SV2C: variants seen among roughly 807,000 people sequenced by gnomAD.
SV2C encodes solute carrier family 22 member B3.
A neutral mutation model predicts 79.7 loss-of-function variants in SV2C; 49 were observed. The ratio of observed to expected loss-of-function variants is 0.61; its 90% confidence interval spans 0.49 to 0.78. The LOEUF is 0.78. Ranked by LOEUF, SV2C falls within the 30% of genes least tolerant of loss-of-function variation. The pLI, the probability that SV2C is intolerant of heterozygous loss-of-function variation, is 0.00. For synonymous variants in SV2C, 334 were observed against 333.2 expected (o/e 1.00, Z -0.03); for missense variants, 833 against 912.9 (o/e 0.91, Z 1.13).
the SV2C span, among the ~76,000 whole-genome samples, chr5:75,969,893 C>G: frequency 2.0e-5 from 3 of 152,110 alleles, no homozygotes; most frequent in African/African-American, 7.3e-5. Context: ...TCACACCACA[C>G]CTATTCCAAA....
chr5:75,859,684 C>T, the SV2C span, among the ~76,000 whole-genome samples: 36 of 152,140 alleles, frequency 2.4e-4, no homozygotes, highest in East Asian at 5.0e-3. Flanking sequence ...ACAGGTTGCT[C>T]GGGGAAATAA....
At chr5:76,224,727 G>T (rs1005628553) in intron 4 of SV2C, among the ~76,000 whole-genome samples, 2 of 152,062 alleles carry the variant, frequency 1.3e-5, no homozygotes, top group African/African-American at 2.4e-5. Context: ...TCTAGAGTGG[G>T]GTCCCCAGAA....
chr5:76,061,690 C>T, the SV2C span, among the ~76,000 whole-genome samples: 3 of 152,004 alleles, frequency 2.0e-5, no homozygotes, highest in Admixed American at 6.6e-5. Flanking sequence ...GAGAATCAAA[C>T]ATTATTATCC....
chr5:75,861,216 C>T, the SV2C span, among the ~76,000 whole-genome samples: 1 of 152,060 alleles, frequency 6.6e-6, no homozygotes, highest in Non-Finnish European at 1.5e-5. Flanking sequence ...AAGTGGCTAA[C>T]AAACATGAAA....
chr5:76,225,623 T>G (rs1365519886), intron 4 of SV2C, among the ~76,000 whole-genome samples: 1 of 152,112 alleles, frequency 6.6e-6, no homozygotes, highest in Non-Finnish European at 1.5e-5. Context: ...AATCTAGTGG[T>G]AGCCGAAGAG....
intron 4 of SV2C, among the ~76,000 whole-genome samples, chr5:76,264,548 GT>G (rs1235861820): frequency 6.6e-6 from 1 of 152,104 alleles, no homozygotes; most frequent in East Asian, 1.9e-4. Context: ...TTTTGTGCTG[GT>G]TTTTCCTTGT....
intron 1 of SV2C, among the ~76,000 whole-genome samples, chr5:76,090,055 A>C (rs1019570077): frequency 6.6e-5 from 10 of 152,230 alleles, no homozygotes; most frequent in African/African-American, 2.4e-4. Flanking sequence ...CAATTTCAGA[A>C]GCAATCGATG....
At chr5:76,254,386 G>A (rs1323451377) in intron 4 of SV2C, among the ~76,000 whole-genome samples, 3 of 151,914 alleles carry the variant, frequency 2.0e-5, no homozygotes, top group Non-Finnish European at 2.9e-5. Flanking sequence ...TGAGAGTGTC[G>A]GTGGAAGTGG....
At chr5:76,283,158 C>A (rs1747248340) in intron 4 of SV2C, among the ~76,000 whole-genome samples, 1 of 152,056 alleles carries the variant, frequency 6.6e-6, no homozygotes, top group Admixed American at 6.6e-5. Flanking sequence ...ACTAAAAATA[C>A]AAAAATTAGC....
chr5:76,226,956 A>G (rs2112389958), intron 4 of SV2C, among the ~76,000 whole-genome samples: 1 of 152,304 alleles, frequency 6.6e-6, no homozygotes, highest in African/African-American at 2.4e-5. Flanking sequence ...ACAGGAAAAG[A>G]GTTCCAGGGA....
chr5:75,881,931 G>T, the SV2C span, among the ~76,000 whole-genome samples: 1 of 147,428 alleles, frequency 6.8e-6, no homozygotes, highest in Non-Finnish European at 1.5e-5. Context: ...ATTGGCTGTG[G>T]GTTTGTCATA....
At chr5:76,126,797 C>T (rs1748718975) in intron 1 of SV2C, among the ~76,000 whole-genome samples, 1 of 152,164 alleles carries the variant, frequency 6.6e-6, no homozygotes, top group Non-Finnish European at 1.5e-5. Flanking sequence ...GCTCCCATTT[C>T]CACAAAAACG....
chr5:75,884,885 C>A, the SV2C span, among the ~76,000 whole-genome samples: 1 of 151,914 alleles, frequency 6.6e-6, no homozygotes, highest in African/African-American at 2.4e-5. Context: ...TTCTAGTGTG[C>A]AAAAATACTG....
At chr5:76,166,929 A>G (rs892173563) in intron 2 of SV2C, among the ~76,000 whole-genome samples, 1 of 152,202 alleles carries the variant, frequency 6.6e-6, no homozygotes, top group Admixed American at 6.5e-5. Context: ...TTATGACCCA[A>G]GAGGTCTCCT....
chr5:76,294,547 G>A (rs1011384210), intron 8 of SV2C, among the ~76,000 whole-genome samples: 17 of 152,186 alleles, frequency 1.1e-4, no homozygotes, highest in African/African-American at 4.1e-4. Flanking sequence ...TGATCTGCCT[G>A]CCTCGGCCTC....
At chr5:76,209,024 G>A (rs976325974) in intron 3 of SV2C, among the ~76,000 whole-genome samples, 1 of 152,158 alleles carries the variant, frequency 6.6e-6, no homozygotes, top group Non-Finnish European at 1.5e-5. Flanking sequence ...CCAGAGCTCA[G>A]TCAGCAGCTT....
chr5:75,867,273 G>A, the SV2C span, among the ~76,000 whole-genome samples: 10 of 152,270 alleles, frequency 6.6e-5, no homozygotes, highest in South Asian at 2.1e-3. Context: ...CAGAGGGCAT[G>A]GTGGGATGTG....
At chr5:76,143,729 G>T (rs145317287) in intron 2 of SV2C, among the ~76,000 whole-genome samples, 3 of 152,120 alleles carry the variant, frequency 2.0e-5, no homozygotes, top group Non-Finnish European at 2.9e-5. Context: ...TCCTAGTAGT[G>T]GTTCTACATC....
intron 4 of SV2C, among the ~76,000 whole-genome samples, chr5:76,240,681 TCCTTCCA>T (rs1220605370): frequency 6.6e-6 from 1 of 152,156 alleles, no homozygotes; most frequent in Non-Finnish European, 1.5e-5. Flanking sequence ...GTCTCTCTGA[TCCTTCCA>T]CCTGTGCTCT....
Sources: allele counts gnomAD v4.1 joint callset (sites outside exome capture counted in the v4.1 genomes callset), GRCh38; gene constraint gnomAD v4.1.1; transcripts MANE v1.5; gene names NCBI Gene and HGNC (gene_info 2026-07-23, HGNC 2026-07-21).